TCF12: variants seen among roughly 807,000 people sequenced by gnomAD.
TCF12 encodes transcription factor 12, also known as DNA-binding protein HTF4.
TCF12 carries 45 observed loss-of-function variants against 86.0 expected under a neutral mutation model. The observed-to-expected ratio is 0.52, with a 90% CI of 0.41 to 0.67. TCF12 has a LOEUF of 0.67. Among genes scored for constraint, TCF12 ranks in the 30% least tolerant of loss-of-function variants. TCF12 has a pLI of 0.00. For synonymous variants in TCF12, 330 were observed against 299.6 expected (o/e 1.10, Z -1.05); for missense variants, 881 against 859.9 (o/e 1.02, Z -0.31).
chr15:56,930,254 G>A (rs1430455368), intron 3 of TCF12, among the ~76,000 whole-genome samples: 1 of 152,180 alleles, frequency 6.6e-6, no homozygotes, highest in African/African-American at 2.4e-5. Context: ...TGAGGTGGTT[G>A]GGGATGAATA....
chr15:56,977,236 T>C (rs1369635871), intron 3 of TCF12, among the ~76,000 whole-genome samples: 8 of 152,200 alleles, frequency 5.3e-5, no homozygotes, highest in African/African-American at 1.9e-4. Context: ...TGTTTGTTTG[T>C]TTTTTTAAAT....
At chr15:56,926,947 A>G (rs1260097497) in intron 3 of TCF12, among the ~76,000 whole-genome samples, 2 of 152,178 alleles carry the variant, frequency 1.3e-5, no homozygotes, top group Non-Finnish European at 1.5e-5. Context: ...TAAAATAAGG[A>G]AGGCATTTAT....
At chr15:57,111,288 C>T (rs770566054) in intron 5 of TCF12, among the ~76,000 whole-genome samples, 7 of 152,106 alleles carry the variant, frequency 4.6e-5, no homozygotes, top group Non-Finnish European at 8.8e-5. Flanking sequence ...AACATAGTGC[C>T]TACAACTTTT....
At chr15:56,949,784 G>A (rs1313635389) in intron 3 of TCF12, among the ~76,000 whole-genome samples, 1 of 152,120 alleles carries the variant, frequency 6.6e-6, no homozygotes, top group Non-Finnish European at 1.5e-5. Flanking sequence ...AATACAACCT[G>A]GAAAGTTCTT....
At chr15:57,050,614 A>G (rs187974914) in intron 3 of TCF12, among the ~76,000 whole-genome samples, 256 of 152,226 alleles carry the variant, frequency 1.7e-3, no homozygotes, top group African/African-American at 6.0e-3. Context: ...AATTTTTGCC[A>G]GTTTTTTTCT....
intron 8 of TCF12, among the ~76,000 whole-genome samples, chr15:57,225,145 C>T (rs1036626706): frequency 5.4e-5 from 8 of 148,508 alleles, no homozygotes; most frequent in South Asian, 4.3e-4. Flanking sequence ...TTTTGATTAC[C>T]GAAGGAACAA....
intron 3 of TCF12, among the ~76,000 whole-genome samples, chr15:57,048,126 A>G (rs1458161883): frequency 6.6e-6 from 1 of 152,198 alleles, no homozygotes; most frequent in African/African-American, 2.4e-5. Context: ...TTAAATTTCT[A>G]AAAATAACAT....
chr15:57,203,889 C>A (rs1186786854), intron 8 of TCF12, among the ~76,000 whole-genome samples: 3 of 152,028 alleles, frequency 2.0e-5, no homozygotes, highest in Non-Finnish European at 4.4e-5. Context: ...GATTGGCACC[C>A]CCTGTGGTTC....
chr15:57,236,124 T>G (rs2059370804), intron 12 of TCF12, among the ~76,000 whole-genome samples: 1 of 152,192 alleles, frequency 6.6e-6, no homozygotes, highest in African/African-American at 2.4e-5. Context: ...ATTTCTGTCA[T>G]AGCTGACGGT....
chr15:57,260,774 C>T (rs1348383198), intron 16 of TCF12, among the ~76,000 whole-genome samples: 1 of 152,170 alleles, frequency 6.6e-6, no homozygotes, highest in African/African-American at 2.4e-5. Flanking sequence ...CCTCTTAGAT[C>T]ACTGAGTACT....
At chr15:57,096,248 C>T (rs1294378250) in intron 5 of TCF12, among the ~76,000 whole-genome samples, 1 of 152,094 alleles carries the variant, frequency 6.6e-6, no homozygotes, top group Non-Finnish European at 1.5e-5. Flanking sequence ...ATGTTAAAGA[C>T]TCTGAAAAAA....
intron 13 of TCF12, chr15:57,247,153 C>G (rs2059902763): frequency 3.7e-6 from 2 of 546,704 alleles, no homozygotes; most frequent in Non-Finnish European, 6.9e-6. Flanking sequence ...CACCGTCACT[C>G]CACCACCACC....
chr15:57,025,460 C>T (rs2065771182), intron 3 of TCF12, among the ~76,000 whole-genome samples: 1 of 152,106 alleles, frequency 6.6e-6, no homozygotes, highest in Admixed American at 6.6e-5. Flanking sequence ...CTTATCTATG[C>T]ACCTGAATTT....
chr15:57,124,560 G>T (rs760759520), intron 5 of TCF12, among the ~76,000 whole-genome samples: 1 of 152,164 alleles, frequency 6.6e-6, no homozygotes, highest in Non-Finnish European at 1.5e-5. Flanking sequence ...TCTACAAAAT[G>T]AAGAAATGCA....
At chr15:57,035,167 G>A (rs768202348) in intron 3 of TCF12, among the ~76,000 whole-genome samples, 11 of 152,104 alleles carry the variant, frequency 7.2e-5, no homozygotes, top group Admixed American at 2.0e-4. Context: ...AAACAGTCTT[G>A]GGAATCAGTA....
In TCF12 at chr15:56,949,935, T is replaced by G. The variant is rs138131750; in HGVS notation, c.148+28837T>G. Among the ~76,000 whole-genome samples the G allele has an allele frequency of 4.2e-3, 636 of 152,346 alleles. 7 individuals carry two copies. Among genetic ancestry groups the G allele is most frequent in the Admixed American group, 0.022 (329 of 15,302 alleles). The stretch of plus-strand genomic sequence containing the variant: ...ACAGGAAAAGGGAAAGGCTCTAGAT[T>G]TACTTTACAGTAGGCCTGTGCTAGT... On this transcript the variant is annotated intron_variant, in intron 3 of 20. Coordinates refer to ENST00000333725, the MANE Select transcript of TCF12 (RefSeq NM_207037.2).
chr15:57,257,003 G>A (rs534034644), intron 16 of TCF12, among the ~76,000 whole-genome samples: 2 of 152,300 alleles, frequency 1.3e-5, no homozygotes, highest in South Asian at 2.1e-4. Flanking sequence ...TTTCAGCTTT[G>A]TAGGCTGTAT....
intron 8 of TCF12, among the ~76,000 whole-genome samples, chr15:57,208,862 C>T (rs1266684869): frequency 2.0e-5 from 3 of 151,950 alleles, no homozygotes; most frequent in Admixed American, 1.3e-4. Context: ...ACTACAGGCA[C>T]ATGCCACTAC....
chr15:57,155,463 C>T (rs1419892589), intron 5 of TCF12, among the ~76,000 whole-genome samples: 2 of 152,070 alleles, frequency 1.3e-5, no homozygotes, highest in Non-Finnish European at 2.9e-5. Context: ...GAAAATTGAA[C>T]ATGTCATATT....
Sources: gnomAD v4.1 joint callset for allele counts (sites outside exome capture counted in the v4.1 genomes callset) on GRCh38, gnomAD v4.1.1 for gene constraint, MANE v1.5 for transcripts, NCBI Gene and HGNC (gene_info 2026-07-23, HGNC 2026-07-21) for gene names.